IQSEC1: variants seen among roughly 807,000 people sequenced by gnomAD.
IQSEC1 encodes IQ motif and Sec7 domain ArfGEF 1.
In IQSEC1, 31 loss-of-function variants were observed where a neutral mutation model predicts 91.0. The ratio of observed to expected loss-of-function variants is 0.34; its 90% CI spans 0.26 to 0.46. The LOEUF is 0.46. IQSEC1 is among the 20% of genes least tolerant of loss of function. The probability of loss-of-function intolerance (pLI) is 1.00; values close to 1 mark genes in which losing one functional copy is unlikely to be tolerated. For missense variants in IQSEC1, 1,388 were observed against 1,575.6 expected (o/e 0.88, Z 2.02); for synonymous variants, 699 against 662.6 (o/e 1.05, Z -0.84).
intron 1 of IQSEC1, among the ~76,000 whole-genome samples, chr3:13,062,616 T>G (rs1705102250): frequency 6.6e-6 from 1 of 152,026 alleles, no homozygotes; most frequent in Admixed American, 6.5e-5. Flanking sequence ...TGGCCTGACC[T>G]CTCTGCAGCC....
chr3:13,014,729 G>A (rs1411885389), intron 1 of IQSEC1, among the ~76,000 whole-genome samples: 1 of 152,144 alleles, frequency 6.6e-6, no homozygotes, highest in Non-Finnish European at 1.5e-5. Context: ...GCCAGGGGCT[G>A]TTGGCCCAAG....
Position 13,073,153 on chromosome 3 carries a change from GT to G in IQSEC1, c.-140del. On this transcript the variant is annotated 5_prime_UTR_variant, in exon 1 of 14. Transcript: ENST00000613206. ...CGCGGGGCGAGTCACATTCCCGGGG[GT>G]GGCGGGCTCCTCCAGGGAGGCTGGG... 1 of 1,037,892 alleles carries G rather than the reference GT, an allele frequency of 9.6e-7. No homozygotes were observed. Among genetic ancestry groups the G allele is most frequent in the Non-Finnish European group, 1.4e-6 (1 of 698,834 alleles). 64.3% of individuals were successfully genotyped at this position (1,037,892 alleles called of 1,614,324 possible). A position where few individuals can be genotyped will look rare whatever the true frequency, so the allele number is the denominator to read the frequency against.
At chr3:13,275,552 C>A (rs1695661702) in intron 1 of IQSEC1, among the ~76,000 whole-genome samples, 1 of 152,234 alleles carries the variant, frequency 6.6e-6, no homozygotes, top group African/African-American at 2.4e-5. Flanking sequence ...GCTGCTTCCC[C>A]TGCCTTGACA....
intron 1 of IQSEC1, among the ~76,000 whole-genome samples, chr3:13,192,316 C>T (rs1202130316): frequency 2.9e-5 from 4 of 136,232 alleles, no homozygotes; most frequent in South Asian, 2.3e-4. Context: ...CCAGCCTGGG[C>T]AACAGAGCGA....
chr3:13,130,259 G>A lies in IQSEC1; in HGVS notation c.302+33845C>T, dbSNP rs148978942. 4.8e-3 allele frequency among the ~76,000 whole-genome samples: 719 copies of A among 148,986 alleles called. 9 individuals carry two copies. Among genetic ancestry groups the A allele is most frequent in the African/African-American group, 0.017 (689 of 40,186 alleles). ...CTCGGAAGGCTAAGATAGGAGAATC[G>A]CTTGAGCCCAGGAGGCAGAAGTTGC... On this transcript the variant is annotated intron_variant, in intron 2 of 15. Transcript: ENST00000648114.
chr3:13,015,720 A>G, intron 1 of IQSEC1: 1 of 985,380 alleles, frequency 1.0e-6, no homozygotes, highest in Non-Finnish European at 1.2e-6. Context: ...GCATCCAGGA[A>G]ACCACACCCA....
intron 1 of IQSEC1, among the ~76,000 whole-genome samples, chr3:12,988,179 C>T (rs1055292007): frequency 1.3e-5 from 2 of 152,096 alleles, no homozygotes; most frequent in Admixed American, 6.5e-5. Flanking sequence ...TTTGGGAGGC[C>T]GAGGCAGGTG....
At position 12,901,442 on chromosome 3, in the gene IQSEC1, C is replaced by T. The variant is rs1280899525; in HGVS notation, c.2886G>A (p.Met962Ile). 2.5e-5 allele frequency: 38 copies of T among 1,548,688 alleles called. No individual in the cohort carries two copies. The East Asian group carries it at 6.4e-4, about 26-fold the overall frequency. Residue 962 changes from methionine (M) to isoleucine (I), a missense_variant, in exon 14 of 14, where the codon ATG becomes ATA. By Grantham distance (10) the Met-to-Ile change is conservative. Coordinates refer to ENST00000613206, the MANE Select transcript of IQSEC1 (RefSeq NM_001134382.3). ...RECPSRPHQT[M>I]PNSSSLLGSL... The stretch of plus-strand genomic sequence containing the variant: ...AGCCCAGGAGGGAAGATGAGTTGGG[C>T]ATAGTCTGGTGTGGGCGAGATGGAC...
chr3:12,925,091 C>T (rs1379014774), intron 3 of IQSEC1, among the ~76,000 whole-genome samples: 4 of 152,152 alleles, frequency 2.6e-5, no homozygotes, highest in East Asian at 1.9e-4. Context: ...GGAGCTGGAC[C>T]GTCACTCCCC....
At chr3:13,267,326 A>G (rs1695509201) in intron 1 of IQSEC1, among the ~76,000 whole-genome samples, 1 of 152,224 alleles carries the variant, frequency 6.6e-6, no homozygotes. Flanking sequence ...TAAGCCACAT[A>G]GTTTATGGCA....
In IQSEC1 at chr3:13,163,308, A is replaced by G. The variant is rs66506440; in HGVS notation, c.302+796T>C. 4.4e-3 allele frequency among the ~76,000 whole-genome samples: 676 copies of G among 152,156 alleles called. 6 individuals carry two copies. Among genetic ancestry groups the G allele is most frequent in the African/African-American group, 0.015 (633 of 41,496 alleles). On this transcript the variant is annotated intron_variant, in intron 2 of 15. Coordinates refer to the IQSEC1 transcript ENST00000648114. ...TCTCCCCAGCCTGTAACATCACAAT[A>G]CAAACCAGCCACCTCAGGCCACCAC...
At position 13,204,354 on chromosome 3, in the gene IQSEC1, C is replaced by G. The variant is rs562216359; in HGVS notation, c.273-40221G>C. Among the ~76,000 whole-genome samples the G allele has an allele frequency of 4.5e-3, 692 of 152,388 alleles. 5 individuals are homozygous for G. The highest frequency in any genetic ancestry group is 0.016 in the African/African-American group (668 of 41,590). ...ATCCCAGCCAAGAGAGACGGAGAAA[C>G]GGAGAAGAGTCACACCTGTACGACA... On this transcript the variant is annotated intron_variant, in intron 1 of 15. Coordinates refer to the IQSEC1 transcript ENST00000648114.
intron 1 of IQSEC1, among the ~76,000 whole-genome samples, chr3:13,273,263 T>A (rs902619018): frequency 3.3e-5 from 5 of 152,096 alleles, no homozygotes; most frequent in African/African-American, 1.2e-4. Flanking sequence ...ACCGGGAGCC[T>A]CACCCAAGCC....
rs1465521895 is a variant in IQSEC1, at chr3:12,899,903, C to T, written c.*1080G>A. 5.1e-5 allele frequency: 50 copies of T among 984,562 alleles called. No homozygotes were observed. The highest frequency in any genetic ancestry group is 5.9e-5 in the Non-Finnish European group (49 of 829,766). 61.0% of individuals were successfully genotyped at this position (984,562 alleles called of 1,614,324 possible). A position where few individuals can be genotyped will look rare whatever the true frequency, so the allele number is the denominator to read the frequency against. On this transcript the variant is annotated 3_prime_UTR_variant, in exon 14 of 14. Coordinates refer to ENST00000613206, the MANE Select transcript of IQSEC1 (RefSeq NM_001134382.3). ...TCATGTTGGAGATGAACACTTCTGC[C>T]GTGTATGGGTGCCCCTCTCGGAGGA... is the stretch of plus-strand genomic sequence containing the variant.
intron 6 of IQSEC1, 85 bp from the exon 7 acceptor site, chr3:12,915,818 C>G: frequency 6.6e-7 from 1 of 1,507,584 alleles, no homozygotes. Flanking sequence ...GAGGAGCGAA[C>G]CTTCCACTAG....
chr3:12,978,691 C>T (rs1024166136), intron 1 of IQSEC1, among the ~76,000 whole-genome samples: 16 of 142,528 alleles, frequency 1.1e-4, no homozygotes, highest in South Asian at 9.5e-4. Flanking sequence ...GGCAATAGAG[C>T]GAGGCTCAGT....
chr3:13,145,136 A>G (rs1706867993), intron 2 of IQSEC1, among the ~76,000 whole-genome samples: 1 of 152,210 alleles, frequency 6.6e-6, no homozygotes, highest in Non-Finnish European at 1.5e-5. Context: ...AGTTAAGGGC[A>G]AAGATGAGTA....
At chr3:13,030,608 C>A (rs1226597903) in intron 1 of IQSEC1, among the ~76,000 whole-genome samples, 1 of 152,198 alleles carries the variant, frequency 6.6e-6, no homozygotes, top group Non-Finnish European at 1.5e-5. Flanking sequence ...GTGGGACATG[C>A]CACAGGCAAA....
intron 1 of IQSEC1, among the ~76,000 whole-genome samples, chr3:13,208,799 T>C (rs908604558): frequency 6.6e-6 from 1 of 152,116 alleles, no homozygotes; most frequent in Non-Finnish European, 1.5e-5. Flanking sequence ...CTGCCCGCAC[T>C]CACTCCACCC....
Sources: allele counts gnomAD v4.1 joint callset (sites outside exome capture counted in the v4.1 genomes callset), GRCh38; gene constraint gnomAD v4.1.1; transcripts MANE v1.5; gene names NCBI Gene and HGNC (gene_info 2026-07-23, HGNC 2026-07-21).